ASIC2: variants seen among roughly 807,000 people sequenced by gnomAD.
The protein encoded by ASIC2 is acid-sensing ion channel 2.
ASIC2 carries 25 observed loss-of-function variants against 57.3 expected under a neutral mutation model. The ratio of observed to expected loss-of-function variants is 0.44; its 90% CI spans 0.32 to 0.61. The LOEUF (loss-of-function observed/expected upper bound fraction) is 0.61, where lower values mean the gene tolerates loss of function less well. ASIC2 is among the 20% of genes least tolerant of loss of function. The probability of loss-of-function intolerance (pLI) is 0.06; values close to 1 mark genes in which losing one functional copy is unlikely to be tolerated. For missense variants in ASIC2, 641 were observed against 738.1 expected, an observed-to-expected ratio of 0.87 and a Z score of 1.52; for synonymous variants, 319 against 307.5, an observed-to-expected ratio of 1.04 and a Z score of -0.39.
intron 1 of ASIC2, among the ~76,000 whole-genome samples, chr17:33,229,496 C>T (rs564378127): frequency 1.4e-4 from 21 of 152,252 alleles, no homozygotes; most frequent in East Asian, 7.7e-4. Context: ...TGTGGGAGGA[C>T]GCTCTTGGGC....
At chr17:33,814,806 T>G (rs34380334) in intron 1 of ASIC2, among the ~76,000 whole-genome samples, 11,170 of 152,268 alleles carry the variant, frequency 0.073, 458 homozygotes, top group East Asian at 0.18. Flanking sequence ...CAGACATGTG[T>G]GCACACACAT....
At chr17:33,846,645 T>C (rs2141912311) in intron 1 of ASIC2, among the ~76,000 whole-genome samples, 2 of 152,248 alleles carry the variant, frequency 1.3e-5, no homozygotes, top group East Asian at 1.9e-4. Flanking sequence ...TAAACACACA[T>C]GCACACCCAC....
intron 1 of ASIC2, among the ~76,000 whole-genome samples, chr17:33,155,839 G>C (rs900257973): frequency 6.6e-6 from 1 of 151,990 alleles, no homozygotes; most frequent in Admixed American, 6.5e-5. Flanking sequence ...ACTGCACCCG[G>C]TCCTCCACAG....
chr17:33,154,859 C>A (rs1395941560), intron 1 of ASIC2, among the ~76,000 whole-genome samples: 1 of 152,146 alleles, frequency 6.6e-6, no homozygotes, highest in African/African-American at 2.4e-5. Flanking sequence ...AAAATAAATC[C>A]TTTTTAATTT....
At chr17:33,305,170 C>T (rs1425976462) in intron 1 of ASIC2, among the ~76,000 whole-genome samples, 3 of 152,140 alleles carry the variant, frequency 2.0e-5, no homozygotes, top group Non-Finnish European at 4.4e-5. Flanking sequence ...GTATCCCTAA[C>T]AAAGTAGATG....
chr17:33,925,220 G>A (rs531510021), intron 1 of ASIC2, among the ~76,000 whole-genome samples: 1 of 152,252 alleles, frequency 6.6e-6, no homozygotes, highest in Non-Finnish European at 1.5e-5. Context: ...TTTCTCATCT[G>A]TAAGAGGGAG....
intron 1 of ASIC2, among the ~76,000 whole-genome samples, chr17:33,350,971 T>C (rs2142248582): frequency 6.6e-6 from 1 of 152,302 alleles, no homozygotes; most frequent in South Asian, 2.1e-4. Flanking sequence ...TTTCCTCATT[T>C]CCTTTCGTGT....
chr17:34,009,028 A>G (rs1433248281), intron 1 of ASIC2, among the ~76,000 whole-genome samples: 1 of 151,948 alleles, frequency 6.6e-6, no homozygotes, highest in Non-Finnish European at 1.5e-5. Context: ...CCATTTTGGG[A>G]TATTTGAGAC....
At chr17:33,410,331 C>A (rs1910613164) in intron 1 of ASIC2, among the ~76,000 whole-genome samples, 1 of 152,152 alleles carries the variant, frequency 6.6e-6, no homozygotes. Context: ...AGACTCTCAT[C>A]TAGATGAGTA....
At chr17:33,093,687 G>C (rs2141969971) in intron 2 of ASIC2, among the ~76,000 whole-genome samples, 2 of 152,266 alleles carry the variant, frequency 1.3e-5, no homozygotes, top group Middle Eastern at 6.8e-3. Flanking sequence ...GGAGGGAAGT[G>C]CATTTTCTGA....
chr17:33,828,228 A>T (rs1251894621), intron 1 of ASIC2: 1 of 152,210 alleles, frequency 6.6e-6, no homozygotes, highest in Non-Finnish European at 1.5e-5. Flanking sequence ...AAATCATTCT[A>T]CAGGCTTTTT....
intron 1 of ASIC2, among the ~76,000 whole-genome samples, chr17:33,982,104 A>C (rs965804775): frequency 1.3e-5 from 2 of 152,200 alleles, no homozygotes; most frequent in East Asian, 1.9e-4. Context: ...TCCTGGGAGC[A>C]GACTGGGCCT....
chr17:33,871,744 A>G (rs1208311605), intron 1 of ASIC2, among the ~76,000 whole-genome samples: 2 of 152,262 alleles, frequency 1.3e-5, no homozygotes, highest in East Asian at 3.9e-4. Flanking sequence ...GCTACCGGAA[A>G]GAGGGAGGCT....
At chr17:33,079,939 T>A (rs1368213562) in intron 3 of ASIC2, among the ~76,000 whole-genome samples, 1 of 152,132 alleles carries the variant, frequency 6.6e-6, no homozygotes, top group South Asian at 2.1e-4. Flanking sequence ...GCATCAATTA[T>A]GGGGTGCAGG....
chr17:33,301,252 G>T (rs1905949417), intron 1 of ASIC2, among the ~76,000 whole-genome samples: 1 of 151,456 alleles, frequency 6.6e-6, no homozygotes, highest in Non-Finnish European at 1.5e-5. Flanking sequence ...TGTCATCGAG[G>T]CTGGTCTTGA....
chr17:33,034,361 G>A (rs556306477), intron 3 of ASIC2, among the ~76,000 whole-genome samples: 1 of 152,244 alleles, frequency 6.6e-6, no homozygotes, highest in African/African-American at 2.4e-5. Context: ...GTCAGGAGTG[G>A]TAGTGCACCC....
chr17:33,436,860 T>C (rs1453477911), intron 1 of ASIC2, among the ~76,000 whole-genome samples: 9 of 99,498 alleles, frequency 9.0e-5, no homozygotes, highest in South Asian at 3.8e-4. Context: ...CTTCTTTTTT[T>C]TTTTTTTTTT....
rs1006510862 is a variant in ASIC2, at chr17:33,110,540, G to A, written c.859+1377C>T. Reference sequence around the variant, plus strand: ...AGATGGCACTGGCGCAGTGACATGTGTGTGGCCATTTTATCTTTCAGTTGG... The same window carrying A: ...AGATGGCACTGGCGCAGTGACATGTATGTGGCCATTTTATCTTTCAGTTGG... On this transcript the variant is annotated intron_variant, in intron 2 of 9. Coordinates refer to ENST00000225823, the MANE Select transcript of ASIC2 (RefSeq NM_183377.2). 1.1e-4 allele frequency among the ~76,000 whole-genome samples: 16 copies of A among 152,236 alleles called. 2 individuals are homozygous for A. Among genetic ancestry groups the A allele is most frequent in the Admixed American group, 8.5e-4 (13 of 15,292 alleles).
intron 3 of ASIC2, among the ~76,000 whole-genome samples, chr17:33,085,128 T>C (rs2092129724): frequency 6.6e-6 from 1 of 152,220 alleles, no homozygotes; most frequent in Admixed American, 6.5e-5. Flanking sequence ...CTAGCATGAT[T>C]CACACCAACT....
Sources: allele counts gnomAD v4.1 joint callset (sites outside exome capture counted in the v4.1 genomes callset), GRCh38; gene constraint gnomAD v4.1.1; transcripts MANE v1.5; gene names NCBI Gene and HGNC (gene_info 2026-07-23, HGNC 2026-07-21).